Variants in AFF2 observed in about 807,000 individuals in gnomAD.
AFF2 encodes ALF transcription elongation factor 2.
AFF2 carries 14 observed loss-of-function variants against 76.9 expected under a neutral mutation model. The observed-to-expected ratio is 0.18, with a 90% CI of 0.12 to 0.28. AFF2 has a LOEUF of 0.28. Ranked by LOEUF, AFF2 falls within the 10% of genes least tolerant of loss-of-function variation. AFF2 has a pLI of 1.00. For synonymous variants in AFF2, 398 were observed against 366.7 expected, an observed-to-expected ratio of 1.09 and a Z score of -0.98; for missense variants, 868 against 1,001.1, an observed-to-expected ratio of 0.87 and a Z score of 1.79.
intron 3 of AFF2, among the ~76,000 whole-genome samples, chrX:148,700,147 C>T (rs1400821059): frequency 1.8e-5 from 2 of 111,233 alleles, no homozygotes; most frequent in African/African-American, 6.6e-5. Context: ...ATTTCAACAA[C>T]AGAGACAGCC....
At chrX:148,524,123 CTGTGTGTG>C (rs59890095) in intron 1 of AFF2, among the ~76,000 whole-genome samples, 1,227 of 83,428 alleles carry the variant, frequency 0.015, 9 homozygotes, top group Non-Finnish European at 0.019. Flanking sequence ...CTCTCTCTCT[CTGTGTGTG>C]TGTGTGTGTG....
At chrX:148,685,920 C>T (rs1376957531) in intron 3 of AFF2, among the ~76,000 whole-genome samples, 1 of 110,007 alleles carries the variant, frequency 9.1e-6, no homozygotes, top group African/African-American at 3.3e-5. Flanking sequence ...TTCTTTCTCT[C>T]TCTCTCTCTA....
chrX:148,706,078 TA>T (rs782471968), intron 3 of AFF2, among the ~76,000 whole-genome samples: 41 of 112,221 alleles, frequency 3.7e-4, no homozygotes, highest in African/African-American at 1.3e-3. Flanking sequence ...CTGCACTTCT[TA>T]AACCCTTAAC....
At chrX:148,873,673 T>G (rs2071003916) in intron 7 of AFF2, among the ~76,000 whole-genome samples, 1 of 110,652 alleles carries the variant, frequency 9.0e-6, no homozygotes, top group Non-Finnish European at 1.9e-5. Flanking sequence ...ATTAGCGCAC[T>G]TAGAGAAATG....
chrX:148,580,780 G>A (rs1472652303), intron 1 of AFF2, among the ~76,000 whole-genome samples: 1 of 108,099 alleles, frequency 9.3e-6, no homozygotes, highest in Non-Finnish European at 1.9e-5. Context: ...TAAAAAATAA[G>A]CTTAGGTAAG....
At chrX:148,984,901 G>A (rs4844080) in intron 19 of AFF2, among the ~76,000 whole-genome samples, 28,057 of 110,396 alleles carry the variant, frequency 0.25, 2,650 homozygotes, top group Middle Eastern at 0.27. Context: ...CAATTTTATG[G>A]CAGGGCCAGG....
rs782348888 is a variant in AFF2 at position 148,561,160 on chromosome X, A to C, written c.47+60016A>C. On this transcript the variant is annotated intron_variant, in intron 1 of 20. Transcript: ENST00000370460. ...TTTGTTGATTGTTAAAAACCAAAAC[A>C]TGAGTGAATGAATGAGTTAAATGAA... Among the ~76,000 whole-genome samples, 7 of 112,742 alleles carry C rather than the reference A, an allele frequency of 6.2e-5. No individual in the cohort carries two copies. The East Asian group carries it at 2.0e-3, about 32-fold the overall frequency.
At chrX:148,636,829 A>G (rs782126838) in intron 1 of AFF2, among the ~76,000 whole-genome samples, 210 of 111,535 alleles carry the variant, frequency 1.9e-3, no homozygotes, top group African/African-American at 6.6e-3. Flanking sequence ...ACCAGACATA[A>G]AAGACTTCAA....
chrX:148,805,567 G>A (rs782447532), intron 3 of AFF2, among the ~76,000 whole-genome samples: 2 of 112,109 alleles, frequency 1.8e-5, no homozygotes, highest in Non-Finnish European at 3.8e-5. Context: ...TACCCTAATC[G>A]CTAAGAAGTA....
chrX:148,651,477 G>A (rs2054201552), intron 1 of AFF2, among the ~76,000 whole-genome samples: 1 of 111,819 alleles, frequency 8.9e-6, no homozygotes, highest in Admixed American at 9.5e-5. Flanking sequence ...TTATTTTTTT[G>A]TGGACTTCTG....
At chrX:148,947,465 C>T (rs189630861) in intron 9 of AFF2, among the ~76,000 whole-genome samples, 155 of 111,989 alleles carry the variant, frequency 1.4e-3, no homozygotes, top group African/African-American at 4.7e-3. Flanking sequence ...CTGTTTTTAT[C>T]GGTTTTATAT....
chrX:148,724,330 A>G (rs1186896164), intron 3 of AFF2, among the ~76,000 whole-genome samples: 1 of 111,070 alleles, frequency 9.0e-6, no homozygotes, highest in Non-Finnish European at 1.9e-5. Flanking sequence ...CTAACACCCA[A>G]TGGCCCTCTA....
At chrX:148,859,851 G>A (rs2070827548) in intron 7 of AFF2, among the ~76,000 whole-genome samples, 2 of 110,010 alleles carry the variant, frequency 1.8e-5, no homozygotes, top group South Asian at 7.7e-4. Context: ...CTAAGTTCTA[G>A]GGTACATGTG....
chrX:148,960,065 G>T (rs2072090744), intron 12 of AFF2, among the ~76,000 whole-genome samples: 1 of 112,896 alleles, frequency 8.9e-6, no homozygotes, highest in Non-Finnish European at 1.9e-5. Context: ...CACACTCAGG[G>T]TTGGGGTCCA....
At chrX:148,682,737 G>A (rs781932125) in intron 3 of AFF2, among the ~76,000 whole-genome samples, 6 of 111,785 alleles carry the variant, frequency 5.4e-5, no homozygotes, top group African/African-American at 1.9e-4. Context: ...CATTATACTT[G>A]TGATTTGGTT....
chrX:148,516,718 T>C (rs2052538944), intron 1 of AFF2, among the ~76,000 whole-genome samples: 2 of 111,897 alleles, frequency 1.8e-5, no homozygotes, highest in African/African-American at 6.5e-5. Context: ...CATAAGTAAG[T>C]AGTAGAGCTG....
At chrX:148,613,432 TC>T (rs1229586340) in intron 1 of AFF2, among the ~76,000 whole-genome samples, 5 of 111,810 alleles carry the variant, frequency 4.5e-5, no homozygotes, top group African/African-American at 1.6e-4. Flanking sequence ...GGATTGATCT[TC>T]TTTGATTAGG....
chrX:148,565,977 G>A lies in AFF2; in HGVS notation c.47+64833G>A, dbSNP rs1444433684. 6.3e-5 allele frequency among the ~76,000 whole-genome samples: 7 copies of A among 111,206 alleles called. No homozygotes were observed. The East Asian group carries it at 8.4e-4, about 13-fold the overall frequency. On this transcript the variant is annotated intron_variant, in intron 1 of 20. Coordinates refer to ENST00000370460, the MANE Select transcript of AFF2 (RefSeq NM_002025.4). ...GTTAAAGGTATATATAAATATGTGC[G>A]TGTATAGTTAGAAGTATAAATGAGA...
chrX:148,630,866 C>G (rs1557252948), intron 1 of AFF2, among the ~76,000 whole-genome samples: 1 of 112,025 alleles, frequency 8.9e-6, no homozygotes, highest in African/African-American at 3.2e-5. Context: ...TTTCTGTGAG[C>G]TGAGGTTCTT....
Sources: allele counts gnomAD v4.1 joint callset (sites outside exome capture counted in the v4.1 genomes callset), GRCh38; gene constraint gnomAD v4.1.1; transcripts MANE v1.5; gene names NCBI Gene and HGNC (gene_info 2026-07-23, HGNC 2026-07-21).